COG1: variants seen among roughly 807,000 people sequenced by gnomAD.
The protein encoded by COG1 is conserved oligomeric Golgi complex subunit 1.
Under a neutral mutation model 102.2 loss-of-function variants are expected in COG1, and 61 were observed. The ratio of observed to expected loss-of-function variants is 0.60; its 90% confidence interval spans 0.49 to 0.74. The LOEUF is 0.74. Among genes scored for constraint, COG1 ranks in the 30% least tolerant of loss-of-function variants. The pLI is 0.00. For missense variants in COG1, 1,164 were observed against 1,232.1 expected (o/e 0.94, Z 0.83); for synonymous variants, 454 against 493.6 (o/e 0.92, Z 1.06).
At chr17:73,196,850 T>C (rs2061327337) in intron 2 of COG1, 50 bp from the exon 3 acceptor site, 2 of 1,613,820 alleles carry the variant, frequency 1.2e-6, no homozygotes, top group East Asian at 4.5e-5. Flanking sequence ...CAAAGCTCTT[T>C]ACCCAAGATG....
intron 4 of COG1, 84 bp from the exon 5 acceptor site, chr17:73,199,781 C>G: frequency 6.4e-7 from 1 of 1,550,986 alleles, no homozygotes; most frequent in Non-Finnish European, 8.9e-7. Context: ...ACTGTGTTGC[C>G]CAAGCTGGCC....
At chr17:73,203,216 TC>T in intron 8 of COG1, 70 bp downstream of exon 8, 1 of 1,559,464 alleles carries the variant, frequency 6.4e-7, no homozygotes, top group South Asian at 1.1e-5. Flanking sequence ...TTTTAGAAAA[TC>T]ATTCAACATA....
intron 1 of COG1, among the ~76,000 whole-genome samples, chr17:73,194,147 A>C (rs1005723536): frequency 4.0e-5 from 6 of 151,152 alleles, no homozygotes; most frequent in African/African-American, 1.5e-4. Flanking sequence ...TTGCGTTCCT[A>C]AAGAATTTTT....
chr17:73,197,252 T>G lies in COG1; in HGVS notation c.769T>G (p.Ser257Ala). 1 of 1,614,200 alleles carries G rather than the reference T, an allele frequency of 6.2e-7. No homozygotes were observed. The highest frequency in any genetic ancestry group is 1.1e-5 in the South Asian group (1 of 91,086). ...TGCTGGTATCAAGGCTCAGATTTGC[T>G]CATTAGTGGAGTTGCTGGCCACCAC... Reference protein sequence around the residue: ...HGAGIKAQICSLVELLATTLK... With the variant: ...HGAGIKAQICALVELLATTLK... Residue 257 changes from serine to alanine, a missense_variant, in exon 4 of 14, where the codon TCA becomes GCA. Coordinates refer to ENST00000299886, the MANE Select transcript of COG1 (RefSeq NM_018714.3).
chr17:73,207,411 T>TAC, intron 13 of COG1, 155 bp downstream of exon 13: 1 of 781,556 alleles, frequency 1.3e-6, no homozygotes, highest in Non-Finnish European at 2.2e-6. Context: ...AAGTACAAGG[T>TAC]TTTACTAGCT....
chr17:73,202,444 C>T (rs2061351127), intron 7 of COG1, among the ~76,000 whole-genome samples: 1 of 152,154 alleles, frequency 6.6e-6, no homozygotes, highest in East Asian at 1.9e-4. Context: ...TGGATTTCCT[C>T]TCTTTAACCT....
chr17:73,198,998 A>G (rs1020993396), intron 4 of COG1, among the ~76,000 whole-genome samples: 1 of 152,164 alleles, frequency 6.6e-6, no homozygotes, highest in African/African-American at 2.4e-5. Context: ...AGGTGCTTAC[A>G]TTTAGTACCT....
intron 9 of COG1, chr17:73,205,209 TC>T: frequency 3.2e-6 from 1 of 314,808 alleles, no homozygotes. Flanking sequence ...AAGGAACAAA[TC>T]CTGATTTTGG....
Position 73,193,893 on chromosome 17 carries a change from A to G in COG1, c.315+509A>G, listed in dbSNP as rs757879907. ...TTGGGAGTTGTTGAGGGTACCAGCT[A>G]TCAAGCCCTTAACTTTATGTATGTA... is the stretch of plus-strand genomic sequence containing the variant. On this transcript the variant is annotated intron_variant, in intron 1 of 13. Coordinates refer to ENST00000299886, the MANE Select transcript of COG1 (RefSeq NM_018714.3). Among the ~76,000 whole-genome samples the G allele has an allele frequency of 9.7e-4, 147 of 152,202 alleles. No individual in the cohort carries two copies. In the Middle Eastern group the frequency reaches 0.017, roughly 18 times the overall value.
chr17:73,206,674 C>A, intron 11 of COG1, 34 bp from the exon 12 acceptor site: 15 of 1,230,302 alleles, frequency 1.2e-5, no homozygotes, highest in Non-Finnish European at 1.7e-5. Context: ...TTTACCTGCA[C>A]AATGAAACCT....
intron 4 of COG1, among the ~76,000 whole-genome samples, chr17:73,198,646 G>T (rs946988457): frequency 6.6e-6 from 1 of 151,342 alleles, no homozygotes; most frequent in African/African-American, 2.5e-5. Context: ...GAATGGGACT[G>T]TGAAGCGGGC....
In COG1 at chr17:73,193,326, A is replaced by G. The variant is rs1471049290; in HGVS notation, c.257A>G (p.Tyr86Cys). ...LVDAVKATDQ[Y>C]CARLRQAGSA... ...GACGCCGTGAAGGCCACCGACCAGTACTGCGCCCGCCTCCGCCAGGCCGGC... is the reference window on the plus strand; with the variant it reads ...GACGCCGTGAAGGCCACCGACCAGTGCTGCGCCCGCCTCCGCCAGGCCGGC... Residue 86 changes from tyrosine to cysteine, a missense_variant, in exon 1 of 14, where the codon TAC becomes TGC. Tyr to Cys is a radical substitution (Grantham distance 194). Coordinates refer to ENST00000299886, the MANE Select transcript of COG1 (RefSeq NM_018714.3). The G allele has an allele frequency of 6.5e-7, 1 of 1,543,842 alleles. No individual in the cohort carries two copies. The highest frequency in any genetic ancestry group is 8.7e-7 in the Non-Finnish European group (1 of 1,147,816).
rs1161631384 is a variant in COG1 at position 73,193,157 on chromosome 17, A to G, written c.88A>G (p.Ile30Val). ...TTTCGAGACGCATGGAGCGGAGGAG[A>G]TCCGCGGGCTGGAGCGCCAGGTTCG... The part of the protein sequence containing the change: ...ALFETHGAEE[I>V]RGLERQVRAE... The change falls in exon 1 of 14, where the codon ATC (isoleucine) becomes GTC (valine). Residue 30 changes from isoleucine (I) to valine (V), a missense_variant. Coordinates refer to ENST00000299886, the MANE Select transcript of COG1 (RefSeq NM_018714.3). The G allele has an allele frequency of 6.2e-7, 1 of 1,608,950 alleles. No individual in the cohort carries two copies. The highest frequency in any genetic ancestry group is 2.2e-5 in the East Asian group (1 of 44,654).
At chr17:73,207,518 C>G (rs2145109210) in intron 13 of COG1, 2 of 600,926 alleles carry the variant, frequency 3.3e-6, no homozygotes, top group East Asian at 7.2e-5. Flanking sequence ...GAGATGAGCT[C>G]TTGAATTTAG....
intron 1 of COG1, among the ~76,000 whole-genome samples, chr17:73,195,891 G>A (rs2061323437): frequency 6.6e-6 from 1 of 152,196 alleles, no homozygotes; most frequent in Non-Finnish European, 1.5e-5. Flanking sequence ...AGTTCTGAAG[G>A]AAGTCAGTTT....
rs200144944 is a variant in COG1 at position 73,193,089 on chromosome 17, C to A, written c.20C>A (p.Ser7Ter). The A allele has an allele frequency of 1.2e-6, 2 of 1,612,172 alleles. No homozygotes were observed. Among genetic ancestry groups the A allele is most frequent in the Non-Finnish European group, 1.7e-6 (2 of 1,179,626 alleles). Reference protein sequence around the residue: MATAATSPALKRLDLRD... With the variant: MATAAT ...TGCACCATGGCCACCGCGGCAACCT[C>A]ACCCGCGCTGAAGCGGCTGGATCTG... Residue 7 changes from serine to a stop codon, truncating the protein, a stop_gained, in exon 1 of 14, where the codon TCA (serine) becomes TAA (stop). Transcript: ENST00000299886. LOFTEE classifies it high-confidence loss of function.
intron 4 of COG1, among the ~76,000 whole-genome samples, chr17:73,198,697 T>C (rs2061334890): frequency 6.6e-6 from 1 of 152,164 alleles, no homozygotes; most frequent in African/African-American, 2.4e-5. Context: ...GGAGGTCTAG[T>C]TGGAGACACA....
intron 5 of COG1, among the ~76,000 whole-genome samples, chr17:73,200,338 G>A (rs1047763768): frequency 8.5e-5 from 13 of 152,128 alleles, no homozygotes; most frequent in South Asian, 2.1e-4. Context: ...CCAGACTTGC[G>A]TATATCCTCG....
At position 73,203,800 on chromosome 17, in the gene COG1, G is replaced by A. The variant is rs746651087; in HGVS notation, c.2382+7G>A. ...CGAAGAAAAACAGATTAAGGTAGGT[G>A]TCTGAATGTTTGCCCATTAAAAACA... On this transcript the variant is annotated splice_region_variant and intron_variant, in intron 9 of 13. Coordinates refer to ENST00000299886, the MANE Select transcript of COG1 (RefSeq NM_018714.3). The A allele has an allele frequency of 9.9e-6, 16 of 1,614,070 alleles. No individual in the cohort carries two copies. The South Asian group carries it at 1.4e-4, about 14-fold the overall frequency.
Sources: allele counts gnomAD v4.1 joint callset (sites outside exome capture counted in the v4.1 genomes callset), GRCh38; gene constraint gnomAD v4.1.1; transcripts MANE v1.5; gene names NCBI Gene and HGNC (gene_info 2026-07-23, HGNC 2026-07-21).